Variants in UNC5D observed in about 807,000 individuals in gnomAD.
UNC5D encodes the protein unc-5 netrin receptor D, also known as netrin receptor UNC5D.
UNC5D carries 39 observed loss-of-function variants against 105.4 expected under a neutral mutation model. That is an observed-to-expected ratio of 0.37 (90% CI 0.29 to 0.48). The LOEUF (loss-of-function observed/expected upper bound fraction) is 0.48. Among genes scored for constraint, UNC5D ranks in the 20% least tolerant of loss-of-function variants. The probability of loss-of-function intolerance (pLI) is 0.98; values close to 1 mark genes in which losing one functional copy is unlikely to be tolerated. For missense variants in UNC5D, 991 were observed against 1,202.4 expected (o/e 0.82, Z 2.60); for synonymous variants, 452 against 450.4 (o/e 1.00, Z -0.04).
chr8:35,272,631 G>A (rs1290052547), intron 1 of UNC5D, among the ~76,000 whole-genome samples: 1 of 152,112 alleles, frequency 6.6e-6, no homozygotes, highest in African/African-American at 2.4e-5. Flanking sequence ...TACAGCCCAG[G>A]ACTGCTTTCT....
At chr8:35,505,589 G>C (rs1351689112) in intron 1 of UNC5D, among the ~76,000 whole-genome samples, 1 of 152,212 alleles carries the variant, frequency 6.6e-6, no homozygotes, top group African/African-American at 2.4e-5. Context: ...ACTCAAAGAT[G>C]TGGATACTAG....
At chr8:35,505,864 T>C (rs958577180) in intron 1 of UNC5D, among the ~76,000 whole-genome samples, 2 of 152,218 alleles carry the variant, frequency 1.3e-5, no homozygotes, top group African/African-American at 2.4e-5. Context: ...TGCTCCCTAC[T>C]GGGTGAATTA....
At chr8:35,571,193 T>G (rs2130798392) in intron 3 of UNC5D, among the ~76,000 whole-genome samples, 1 of 152,236 alleles carries the variant, frequency 6.6e-6, no homozygotes, top group Non-Finnish European at 1.5e-5. Flanking sequence ...TTTAGAATCA[T>G]AAAATATTTT....
chr8:35,611,120 C>T (rs1254231938), intron 4 of UNC5D, among the ~76,000 whole-genome samples: 1 of 150,880 alleles, frequency 6.6e-6, no homozygotes, highest in African/African-American at 2.4e-5. Flanking sequence ...ATTTTTAAAG[C>T]TTTAAGAACC....
intron 1 of UNC5D, among the ~76,000 whole-genome samples, chr8:35,308,654 G>T (rs539424741): frequency 1.5e-3 from 233 of 152,184 alleles, no homozygotes; most frequent in African/African-American, 5.5e-3. Context: ...CACTTCCTGA[G>T]AAGGGATGGT....
At chr8:35,525,141 G>A in intron 1 of UNC5D, 1 of 1,605,570 alleles carries the variant, frequency 6.2e-7, no homozygotes, top group South Asian at 1.1e-5. Context: ...CGCCTCCTTG[G>A]CTGGATGCTG....
At chr8:35,677,917 T>C (rs1473930882) in intron 4 of UNC5D, among the ~76,000 whole-genome samples, 2 of 151,900 alleles carry the variant, frequency 1.3e-5, no homozygotes, top group African/African-American at 4.8e-5. Context: ...TATGTGTGTG[T>C]GTATGTATAT....
chr8:35,755,910 A>G (rs1325719325), intron 13 of UNC5D, among the ~76,000 whole-genome samples: 2 of 152,212 alleles, frequency 1.3e-5, no homozygotes, highest in Admixed American at 1.3e-4. Flanking sequence ...AGTGATTTAG[A>G]ACTAGCTAAG....
chr8:35,276,374 C>A (rs1375882808), intron 1 of UNC5D, among the ~76,000 whole-genome samples: 2 of 151,908 alleles, frequency 1.3e-5, no homozygotes, highest in East Asian at 3.9e-4. Context: ...TAATAAATAA[C>A]CCATCAGAGT....
chr8:35,654,817 G>A (rs1262790782), intron 4 of UNC5D, among the ~76,000 whole-genome samples: 1 of 152,028 alleles, frequency 6.6e-6, no homozygotes, highest in Non-Finnish European at 1.5e-5. Context: ...TAATATACTA[G>A]GTCAGAAATT....
chr8:35,723,558 G>T (rs1039198406), intron 9 of UNC5D, among the ~76,000 whole-genome samples: 3 of 151,776 alleles, frequency 2.0e-5, no homozygotes, highest in Non-Finnish European at 4.4e-5. Context: ...ACCACACCAA[G>T]CTAAGTTTTT....
At chr8:35,243,689 T>C (rs1335916677) in intron 1 of UNC5D, among the ~76,000 whole-genome samples, 1 of 152,108 alleles carries the variant, frequency 6.6e-6, no homozygotes, top group East Asian at 1.9e-4. Context: ...AGTGAGTCCA[T>C]ATGGGGTAGT....
chr8:35,312,213 TC>T (rs1237861624), intron 1 of UNC5D, among the ~76,000 whole-genome samples: 4 of 152,190 alleles, frequency 2.6e-5, no homozygotes, highest in Admixed American at 2.6e-4. Context: ...TGTGGCAAGA[TC>T]CGACATAGCT....
At chr8:35,561,440 G>A (rs942746686) in intron 2 of UNC5D, among the ~76,000 whole-genome samples, 1 of 152,088 alleles carries the variant, frequency 6.6e-6, no homozygotes, top group Non-Finnish European at 1.5e-5. Context: ...TGTGACTCCT[G>A]TCTCTCAGGA....
chr8:35,548,234 C>T (rs1298364462), intron 1 of UNC5D, among the ~76,000 whole-genome samples: 1 of 152,186 alleles, frequency 6.6e-6, no homozygotes, highest in African/African-American at 2.4e-5. Context: ...TTAACCATCA[C>T]AGTGAGATTG....
chr8:35,504,606 A>G (rs1812189396), intron 1 of UNC5D, among the ~76,000 whole-genome samples: 1 of 152,220 alleles, frequency 6.6e-6, no homozygotes, highest in African/African-American at 2.4e-5. Context: ...CTTAGACTCC[A>G]TTCAAAGCCT....
At chr8:35,568,841 T>C (rs1037272137) in intron 3 of UNC5D, among the ~76,000 whole-genome samples, 1 of 152,184 alleles carries the variant, frequency 6.6e-6, no homozygotes, top group African/African-American at 2.4e-5. Context: ...TTCATGCAAA[T>C]GGATTCTGCT....
chr8:35,663,220 C>T (rs548486071), intron 4 of UNC5D, among the ~76,000 whole-genome samples: 1 of 152,332 alleles, frequency 6.6e-6, no homozygotes, highest in South Asian at 2.1e-4. Context: ...CACACCAGAT[C>T]TACTGCTGAG....
intron 8 of UNC5D, among the ~76,000 whole-genome samples, chr8:35,710,141 C>T (rs1039479881): frequency 6.6e-6 from 1 of 152,106 alleles, no homozygotes; most frequent in Non-Finnish European, 1.5e-5. Context: ...TCACAATGAC[C>T]TATTATAACA....
Sources: gnomAD v4.1 joint callset for allele counts (sites outside exome capture counted in the v4.1 genomes callset) on GRCh38, gnomAD v4.1.1 for gene constraint, MANE v1.5 for transcripts, NCBI Gene and HGNC (gene_info 2026-07-23, HGNC 2026-07-21) for gene names.